PATJ: variants seen among roughly 807,000 people sequenced by gnomAD.
PATJ encodes PATJ crumbs cell polarity complex component.
PATJ carries 190 observed loss-of-function variants against 224.9 expected under a neutral mutation model. The observed-to-expected ratio is 0.84, with a 90% confidence interval of 0.75 to 0.95. The LOEUF is 0.95. Among genes scored for constraint, PATJ ranks in the 40% least tolerant of loss-of-function variants. The pLI is 0.00. For missense variants in PATJ, 2,121 were observed against 2,270.3 expected (o/e 0.93, Z 1.34); for synonymous variants, 769 against 820.3 (o/e 0.94, Z 1.07).
intron 29 of PATJ, among the ~76,000 whole-genome samples, chr1:62,029,355 CTTG>C (rs1452358424): frequency 6.6e-6 from 1 of 152,144 alleles, no homozygotes; most frequent in Admixed American, 6.5e-5. Context: ...TCATCATGGG[CTTG>C]TTGTGTTTCC....
Position 62,142,796 on chromosome 1 carries a change from A to C in PATJ, c.5272-5488A>C, listed in dbSNP as rs76371548. Among the ~76,000 whole-genome samples the C allele has an allele frequency of 6.7e-3, 1,016 of 152,244 alleles. 13 individuals carry two copies. Among genetic ancestry groups the C allele is most frequent in the African/African-American group, 0.023 (970 of 41,542 alleles). ...GATGGGGGGAATTCCCCGCCTGGAG[A>C]GGGAACTGGAATGTGGGGTGGAGTC... is the stretch of plus-strand genomic sequence containing the variant. On this transcript the variant is annotated intron_variant, in intron 41 of 43. Coordinates refer to ENST00000642238, the MANE Select transcript of PATJ (RefSeq NM_001350145.3).
chr1:61,821,939 G>A (rs947075203), intron 14 of PATJ, among the ~76,000 whole-genome samples: 3 of 152,146 alleles, frequency 2.0e-5, no homozygotes, highest in African/African-American at 7.2e-5. Flanking sequence ...ACTCGACATT[G>A]GCTAGAGTTT....
At chr1:62,103,569 A>G (rs1198816833) in intron 33 of PATJ, among the ~76,000 whole-genome samples, 2 of 152,214 alleles carry the variant, frequency 1.3e-5, no homozygotes, top group Non-Finnish European at 2.9e-5. Context: ...CTTGGCCACC[A>G]TGGTGAAACC....
intron 1 of PATJ, among the ~76,000 whole-genome samples, chr1:61,761,922 A>G (rs1346241017): frequency 6.6e-6 from 1 of 152,040 alleles, no homozygotes; most frequent in Non-Finnish European, 1.5e-5. Flanking sequence ...TCTGGGGCAG[A>G]AGTGATCCTC....
At chr1:62,027,240 G>C (rs1184966390) in intron 29 of PATJ, among the ~76,000 whole-genome samples, 2 of 152,120 alleles carry the variant, frequency 1.3e-5, no homozygotes, top group African/African-American at 4.8e-5. Flanking sequence ...TTCTGTGACT[G>C]GTATATTTCA....
At chr1:62,034,591 G>T (rs1247210375) in intron 29 of PATJ, among the ~76,000 whole-genome samples, 2 of 152,060 alleles carry the variant, frequency 1.3e-5, no homozygotes, top group South Asian at 4.1e-4. Flanking sequence ...TCCTTTGGTT[G>T]CCGTCTTCCT....
At chr1:62,140,374 C>T (rs979848259) in intron 41 of PATJ, among the ~76,000 whole-genome samples, 4 of 151,998 alleles carry the variant, frequency 2.6e-5, no homozygotes, top group African/African-American at 9.7e-5. Context: ...GATTTTTGGC[C>T]GAGCGTGGTG....
chr1:61,839,775 C>T (rs184352296), intron 17 of PATJ, among the ~76,000 whole-genome samples: 1 of 152,142 alleles, frequency 6.6e-6, no homozygotes, highest in Non-Finnish European at 1.5e-5. Flanking sequence ...CAATAATTCT[C>T]CTCCCTCCTA....
At chr1:61,834,738 G>A (rs1050226764) in intron 17 of PATJ, among the ~76,000 whole-genome samples, 4 of 151,976 alleles carry the variant, frequency 2.6e-5, no homozygotes, top group African/African-American at 4.8e-5. Context: ...AGAATATTAC[G>A]TTCTATTTTA....
At chr1:61,850,506 A>G (rs1220243136) in intron 17 of PATJ, among the ~76,000 whole-genome samples, 2 of 152,242 alleles carry the variant, frequency 1.3e-5, no homozygotes, top group Middle Eastern at 3.2e-3. Context: ...TTCATCTGCT[A>G]GGTACTGAAA....
intron 26 of PATJ, among the ~76,000 whole-genome samples, chr1:61,924,287 GAA>G (rs1674789304): frequency 6.6e-6 from 1 of 152,162 alleles, no homozygotes; most frequent in African/African-American, 2.4e-5. Context: ...AGAATTGCTT[GAA>G]CCCGGGAGAC....
intron 33 of PATJ, among the ~76,000 whole-genome samples, chr1:62,106,079 T>TACAC (rs1229837123): frequency 0.015 from 313 of 20,762 alleles, 28 homozygotes; most frequent in Non-Finnish European, 0.022. Flanking sequence ...TATATATATA[T>TACAC]ACACACACAC....
rs541022063 is a variant in PATJ, at chr1:61,796,991, C to T, written c.1261-296C>T. Among the ~76,000 whole-genome samples the T allele has an allele frequency of 1.1e-4, 16 of 152,130 alleles. No homozygotes were observed. The South Asian group carries it at 2.5e-3, about 24-fold the overall frequency. ...AAGCGATTCTCCTGCCTCAGCCTCCCGAGTAGCTGGGTCTGCAGGTGCCTG... is the reference window on the plus strand; with the variant it reads ...AAGCGATTCTCCTGCCTCAGCCTCCTGAGTAGCTGGGTCTGCAGGTGCCTG... On this transcript the variant is annotated intron_variant, in intron 10 of 43. Transcript: ENST00000642238.
At chr1:62,006,260 G>C (rs567103722) in intron 28 of PATJ, among the ~76,000 whole-genome samples, 2 of 152,090 alleles carry the variant, frequency 1.3e-5, no homozygotes, top group African/African-American at 2.4e-5. Flanking sequence ...GATTACAGGC[G>C]CATGCCGCCA....
intron 18 of PATJ, among the ~76,000 whole-genome samples, chr1:61,859,902 G>C (rs1426201857): frequency 6.6e-6 from 1 of 152,122 alleles, no homozygotes; most frequent in African/African-American, 2.4e-5. Flanking sequence ...TTACAGGTGT[G>C]AGCCACTGCG....
chr1:61,808,344 A>G lies in PATJ; in HGVS notation c.1627-130A>G, dbSNP rs1653998625. 10 of 656,970 alleles carry G rather than the reference A, an allele frequency of 1.5e-5. No homozygotes were observed. In the East Asian group the frequency reaches 2.2e-4, roughly 15 times the overall value. The allele number at this position is 656,970 out of a possible 1,614,324, so 40.7% of individuals were successfully genotyped here. ...ATTATGTGTTATAGATTTCAAAAAT[A>G]TAAGAAAGGTATCGGAATGTAGGTC... On this transcript the variant is annotated intron_variant, in intron 13 of 43. Coordinates refer to ENST00000642238, the MANE Select transcript of PATJ (RefSeq NM_001350145.3).
intron 31 of PATJ, among the ~76,000 whole-genome samples, chr1:62,051,708 A>G (rs1653661164): frequency 6.6e-6 from 1 of 152,228 alleles, no homozygotes; most frequent in South Asian, 2.1e-4. Context: ...GAGGCACAAG[A>G]AAAAATGTTA....
At chr1:61,923,355 T>C (rs1210656985) in intron 26 of PATJ, among the ~76,000 whole-genome samples, 1 of 152,210 alleles carries the variant, frequency 6.6e-6, no homozygotes, top group Non-Finnish European at 1.5e-5. Context: ...TGGTGCCACA[T>C]GTAGTGAAAT....
At chr1:61,825,348 G>T (rs1490197633) in intron 15 of PATJ, among the ~76,000 whole-genome samples, 2 of 152,156 alleles carry the variant, frequency 1.3e-5, no homozygotes, top group Non-Finnish European at 2.9e-5. Context: ...TGGGATAATT[G>T]AGATTTGACA....
Sources: gnomAD v4.1 joint callset for allele counts (sites outside exome capture counted in the v4.1 genomes callset) on GRCh38, gnomAD v4.1.1 for gene constraint, MANE v1.5 for transcripts, NCBI Gene and HGNC (gene_info 2026-07-23, HGNC 2026-07-21) for gene names.